GALNT17: variants seen among roughly 807,000 people sequenced by gnomAD.
GALNT17 encodes the protein UDP-GalNAc:polypeptide N-acetylgalactosaminyltransferase-like 3.
A neutral mutation model predicts 63.7 loss-of-function variants in GALNT17; 29 were observed. That is an observed-to-expected ratio of 0.46 (90% CI 0.34 to 0.62). The LOEUF is 0.62. Ranked by LOEUF, GALNT17 falls within the 20% of genes least tolerant of loss-of-function variation. The pLI, the probability that GALNT17 is intolerant of heterozygous loss-of-function variation, is 0.01. For synonymous variants in GALNT17, 305 were observed against 318.3 expected (o/e 0.96, Z 0.45); for missense variants, 603 against 799.6 (o/e 0.75, Z 2.97).
chr7:71,497,338 TC>T (rs1364365184), intron 5 of GALNT17, among the ~76,000 whole-genome samples: 1 of 152,162 alleles, frequency 6.6e-6, no homozygotes, highest in Non-Finnish European at 1.5e-5. Context: ...AGGCCAGAAA[TC>T]CGAGATGAGC....
chr7:71,609,865 A>T (rs1790099553), intron 6 of GALNT17, among the ~76,000 whole-genome samples: 1 of 152,182 alleles, frequency 6.6e-6, no homozygotes, highest in Non-Finnish European at 1.5e-5. Context: ...CATTCTTAAG[A>T]GAAAGAATTT....
intron 3 of GALNT17, among the ~76,000 whole-genome samples, chr7:71,404,480 G>A (rs910952732): frequency 7.9e-5 from 12 of 151,938 alleles, no homozygotes; most frequent in Admixed American, 7.9e-4. Flanking sequence ...CCTCATTTTT[G>A]CTCCAGCCCA....
intron 6 of GALNT17, among the ~76,000 whole-genome samples, chr7:71,593,691 C>A (rs913405569): frequency 2.0e-5 from 3 of 152,128 alleles, no homozygotes; most frequent in African/African-American, 7.2e-5. Context: ...AAAGTGGTAC[C>A]CGTTTCACTA....
chr7:71,444,788 C>T (rs1397688191), intron 5 of GALNT17, among the ~76,000 whole-genome samples: 1 of 152,190 alleles, frequency 6.6e-6, no homozygotes, highest in African/African-American at 2.4e-5. Context: ...GATGGTGTCA[C>T]TGCACTCTAG....
chr7:71,646,239 C>G (rs1365237278), intron 6 of GALNT17, among the ~76,000 whole-genome samples: 11 of 152,186 alleles, frequency 7.2e-5, no homozygotes, highest in Admixed American at 7.2e-4. Context: ...TAGTCCCACA[C>G]TTTTAAAAAT....
At chr7:71,242,568 A>G (rs986517300) in intron 1 of GALNT17, among the ~76,000 whole-genome samples, 11 of 152,116 alleles carry the variant, frequency 7.2e-5, no homozygotes, top group African/African-American at 2.7e-4. Flanking sequence ...GCGCCTGGTC[A>G]GGGATCACAT....
intron 6 of GALNT17, among the ~76,000 whole-genome samples, chr7:71,654,662 T>C (rs985694000): frequency 1.4e-5 from 2 of 142,494 alleles, no homozygotes; most frequent in African/African-American, 4.9e-5. Context: ...GTTGTTTCAC[T>C]GTTACGTTAA....
At chr7:71,638,999 G>C (rs1464844018) in intron 6 of GALNT17, among the ~76,000 whole-genome samples, 2 of 152,086 alleles carry the variant, frequency 1.3e-5, no homozygotes, top group Non-Finnish European at 2.9e-5. Flanking sequence ...AAAATAAAAA[G>C]AATGAATAAG....
At chr7:71,214,112 C>T (rs1332263741) in intron 1 of GALNT17, among the ~76,000 whole-genome samples, 4 of 152,202 alleles carry the variant, frequency 2.6e-5, no homozygotes, top group Admixed American at 6.5e-5. Context: ...TGGCCCTTCC[C>T]ATGAGTGCCC....
chr7:71,460,823 A>G (rs1011201673), intron 5 of GALNT17, among the ~76,000 whole-genome samples: 3 of 152,150 alleles, frequency 2.0e-5, no homozygotes, highest in Non-Finnish European at 4.4e-5. Flanking sequence ...GTAAACTGTC[A>G]TGGCGCTGGT....
At position 71,701,839 on chromosome 7, in the gene GALNT17, ATG is replaced by A. The variant is rs1491314908; in HGVS notation, c.1501-8918_1501-8917del. 1.5e-3 allele frequency among the ~76,000 whole-genome samples: 80 copies of A among 51,672 alleles called. No homozygotes were observed. The South Asian group carries it at 0.04, about 26-fold the overall frequency. 33.9% of individuals were successfully genotyped at this position (51,672 alleles called of 152,430 possible). A position where few individuals can be genotyped will look rare whatever the true frequency, so the allele number is the denominator to read the frequency against. ...TACACATATATATACACATATATAT[ATG>A]TGTATATATATATACACATATATAT... is the stretch of plus-strand genomic sequence containing the variant. On this transcript the variant is annotated intron_variant, in intron 9 of 10. Coordinates refer to ENST00000333538, the MANE Select transcript of GALNT17 (RefSeq NM_022479.3).
At chr7:71,133,132 T>G in intron 1 of GALNT17, 92 bp downstream of exon 1, 1 of 1,189,218 alleles carries the variant, frequency 8.4e-7, no homozygotes, top group Non-Finnish European at 1.1e-6. Flanking sequence ...GCCCTGTGCC[T>G]GGGAGCCGGC....
chr7:71,630,869 G>T (rs899806876), intron 6 of GALNT17, among the ~76,000 whole-genome samples: 1 of 152,230 alleles, frequency 6.6e-6, no homozygotes, highest in African/African-American at 2.4e-5. Context: ...GCAAATTTGA[G>T]ATAGGCCACG....
At chr7:71,635,426 G>A (rs1032180500) in intron 6 of GALNT17, among the ~76,000 whole-genome samples, 3 of 152,102 alleles carry the variant, frequency 2.0e-5, no homozygotes, top group African/African-American at 4.8e-5. Flanking sequence ...ACAGTCTCTC[G>A]GGTTAAATTT....
At chr7:71,703,010 A>C (rs1449466185) in intron 9 of GALNT17, among the ~76,000 whole-genome samples, 1 of 151,932 alleles carries the variant, frequency 6.6e-6, no homozygotes, top group Non-Finnish European at 1.5e-5. Flanking sequence ...CTGGATATAC[A>C]AAGTTGGAAT....
intron 1 of GALNT17, among the ~76,000 whole-genome samples, chr7:71,171,156 G>A (rs180829648): frequency 6.6e-6 from 1 of 152,298 alleles, no homozygotes; most frequent in East Asian, 1.9e-4. Flanking sequence ...ACTCAAAAGT[G>A]GATGTGCTCA....
intron 5 of GALNT17, among the ~76,000 whole-genome samples, chr7:71,523,583 C>T (rs994905996): frequency 6.6e-6 from 1 of 151,424 alleles, no homozygotes; most frequent in Non-Finnish European, 1.5e-5. Flanking sequence ...AACAAGATCA[C>T]GTCTCCACAA....
intron 5 of GALNT17, among the ~76,000 whole-genome samples, chr7:71,431,216 T>C (rs943296120): frequency 7.0e-6 from 1 of 143,736 alleles, no homozygotes; most frequent in Non-Finnish European, 1.5e-5. Context: ...TTTCTTTTTT[T>C]TTTTTTTTTT....
chr7:71,387,790 A>G (rs530521947), intron 2 of GALNT17, among the ~76,000 whole-genome samples: 1 of 152,218 alleles, frequency 6.6e-6, no homozygotes, highest in African/African-American at 2.4e-5. Context: ...GGTAGATGGC[A>G]CAGGTAGATG....
Sources: allele counts gnomAD v4.1 joint callset (sites outside exome capture counted in the v4.1 genomes callset), GRCh38; gene constraint gnomAD v4.1.1; transcripts MANE v1.5; gene names NCBI Gene and HGNC (gene_info 2026-07-23, HGNC 2026-07-21).